SARS1: variants seen among roughly 807,000 people sequenced by gnomAD.
SARS1 encodes serine--tRNA ligase, cytoplasmic.
A neutral mutation model predicts 63.7 loss-of-function variants in SARS1; 25 were observed. The ratio of observed to expected loss-of-function variants is 0.39; its 90% CI spans 0.29 to 0.55. The LOEUF (loss-of-function observed/expected upper bound fraction) is 0.55, where lower values mean the gene tolerates loss of function less well. Ranked by LOEUF, SARS1 falls within the 20% of genes least tolerant of loss-of-function variation. The pLI is 0.62. For synonymous variants in SARS1, 231 were observed against 243.5 expected, an observed-to-expected ratio of 0.95 and a Z score of 0.48; for missense variants, 417 against 649.7, an observed-to-expected ratio of 0.64 and a Z score of 3.89.
intron 2 of SARS1, 55 bp from the exon 3 acceptor site, chr1:109,228,297 C>A: frequency 7.7e-7 from 1 of 1,294,368 alleles, no homozygotes. Context: ...CTTTATAAAA[C>A]AATGCCAGAG....
intron 2 of SARS1, among the ~76,000 whole-genome samples, chr1:109,225,012 G>A (rs888569998): frequency 6.6e-6 from 1 of 152,174 alleles, no homozygotes; most frequent in African/African-American, 2.4e-5. Context: ...GGCTGAGGTG[G>A]GAGGATCACT....
intron 6 of SARS1, among the ~76,000 whole-genome samples, chr1:109,233,331 T>C (rs1164473851): frequency 6.6e-6 from 1 of 152,114 alleles, no homozygotes; most frequent in Non-Finnish European, 1.5e-5. Flanking sequence ...TAAATAGTCA[T>C]GTGTGGCTGG....
chr1:109,215,727 A>G (rs1166481389), intron 1 of SARS1: 1 of 876,776 alleles, frequency 1.1e-6, no homozygotes, highest in Non-Finnish European at 1.4e-6. Flanking sequence ...TGTTTTTGAG[A>G]CGGAGTCTCT....
chr1:109,216,464 AATG>A, intron 1 of SARS1: 1 of 985,346 alleles, frequency 1.0e-6, no homozygotes. Context: ...AGAGTAGCGT[AATG>A]ATCCTACACT....
In SARS1 at chr1:109,237,181, G is replaced by C; in HGVS notation, c.1258-63G>C. On this transcript the variant is annotated intron_variant, in intron 9 of 10. Coordinates refer to ENST00000234677, the MANE Select transcript of SARS1 (RefSeq NM_006513.4). The surrounding 1 kb of genome is among the most constrained non-coding windows in gnomAD (Gnocchi z 4.1). ...AAGTCTGGTTGAATGGATGGTTCCT[G>C]GCCGTCAGTAAGACCCGATGAGAGT... is the stretch of plus-strand genomic sequence containing the variant. The C allele has an allele frequency of 3.2e-6, 5 of 1,563,502 alleles. No homozygotes were observed. Among genetic ancestry groups the C allele is most frequent in the Non-Finnish European group, 4.3e-6 (5 of 1,158,598 alleles).
At chr1:109,215,662 TA>T in intron 1 of SARS1, 2 of 954,890 alleles carry the variant, frequency 2.1e-6, no homozygotes, top group Non-Finnish European at 2.5e-6. Context: ...GTTATTGTTT[TA>T]AAAAACTTAA....
At position 109,236,377 on chromosome 1, in the gene SARS1, G is replaced by A. The variant is rs2101209096; in HGVS notation, c.1100-14G>A. 1 of 1,584,578 alleles carries A rather than the reference G, an allele frequency of 6.3e-7. No homozygotes were observed. The highest frequency in any genetic ancestry group is 8.6e-7 in the Non-Finnish European group (1 of 1,157,976). ...CATCCCTCCTTCATGAATTCTAGGG[G>A]TTTTTCCTTACAGGTTCTTTGAATC... On this transcript the variant is annotated splice_polypyrimidine_tract_variant and intron_variant, in intron 8 of 10. Transcript: ENST00000234677.
intron 1 of SARS1, among the ~76,000 whole-genome samples, chr1:109,219,882 CT>C (rs1654891588): frequency 6.6e-6 from 1 of 152,164 alleles, no homozygotes; most frequent in Non-Finnish European, 1.5e-5. Flanking sequence ...GTAGTTGGTT[CT>C]TTTCATTGCT....
intron 2 of SARS1, among the ~76,000 whole-genome samples, chr1:109,226,757 T>C (rs1655099759): frequency 1.4e-5 from 2 of 143,538 alleles, no homozygotes; most frequent in South Asian, 4.4e-4. Context: ...TTTATTTATT[T>C]ATTTATATTT....
Position 109,214,118 on chromosome 1 carries a change from G to C in SARS1, c.126G>C (p.Glu42Asp). ...LVDQLVKADS[E>D]WRRCRFRADN... is the part of the protein sequence containing the mutation. ...ACCAGCTGGTGAAGGCAGACAGCGA[G>C]TGGCGACGATGTAAGTACCGGGACG... The change falls in exon 1 of 11, where the codon GAG (glutamate) becomes GAC (aspartate). Residue 42 changes from glutamate (E) to aspartate (D), a missense_variant. Glu to Asp is a conservative substitution (Grantham distance 45, BLOSUM62 2). Coordinates refer to ENST00000234677, the MANE Select transcript of SARS1 (RefSeq NM_006513.4). The surrounding 1 kb of genome is among the most constrained non-coding windows in gnomAD (Gnocchi z 4.6). The C allele has an allele frequency of 6.2e-7, 1 of 1,613,808 alleles. No individual in the cohort carries two copies.
chr1:109,227,126 T>C (rs574133514), intron 2 of SARS1, among the ~76,000 whole-genome samples: 4 of 151,054 alleles, frequency 2.6e-5, no homozygotes, highest in Non-Finnish European at 4.4e-5. Flanking sequence ...TCCCGAGTAG[T>C]TGGGATTACA....
intron 3 of SARS1, 90 bp from the exon 4 acceptor site, chr1:109,229,324 G>C: frequency 7.5e-7 from 1 of 1,333,514 alleles, no homozygotes; most frequent in Middle Eastern, 1.9e-4. Flanking sequence ...GCTATCTTTA[G>C]AGCACAACAG....
intron 1 of SARS1, chr1:109,216,529 C>A (rs567358744): frequency 2.0e-6 from 2 of 984,776 alleles, no homozygotes; most frequent in African/African-American, 1.7e-5. Flanking sequence ...TTCCATGTAA[C>A]TGGAAATCTG....
chr1:109,217,120 C>A, intron 1 of SARS1: 1 of 985,366 alleles, frequency 1.0e-6, no homozygotes. Flanking sequence ...TACTTTAGAG[C>A]AGCACTGTCT....
intron 1 of SARS1, among the ~76,000 whole-genome samples, chr1:109,223,301 A>C (rs1654994183): frequency 6.6e-6 from 1 of 152,246 alleles, no homozygotes; most frequent in Non-Finnish European, 1.5e-5. Context: ...CTCTCTATAG[A>C]TTCCTGTGCA....
intron 6 of SARS1, among the ~76,000 whole-genome samples, chr1:109,234,940 T>C (rs1056639280): frequency 2.0e-5 from 3 of 152,164 alleles, no homozygotes; most frequent in Admixed American, 2.0e-4. Context: ...CACTCCAGTC[T>C]GGGCAGCAGA....
Position 109,237,494 on chromosome 1 carries a change from C to A in SARS1, c.1387+121C>A. The A allele has an allele frequency of 1.4e-6, 2 of 1,466,542 alleles. No homozygotes were observed. Among genetic ancestry groups the A allele is most frequent in the East Asian group, 2.4e-5 (1 of 42,096 alleles). 90.8% of individuals were successfully genotyped at this position (1,466,542 alleles called of 1,614,324 possible). A position where few individuals can be genotyped will look rare whatever the true frequency, so the allele number is the denominator to read the frequency against. On this transcript the variant is annotated intron_variant, in intron 10 of 10. Transcript: ENST00000234677. This position sits in a 1 kb window ranked among gnomAD's most constrained non-coding sequence, Gnocchi z 4.1. ...TCAGACACAGCCCCTGAAACTCTGT[C>A]TGCCCTCTCGGGCTGGGCAGGGCAG...
At chr1:109,225,280 C>A (rs984171774) in intron 2 of SARS1, among the ~76,000 whole-genome samples, 3 of 152,178 alleles carry the variant, frequency 2.0e-5, no homozygotes, top group African/African-American at 7.2e-5. Flanking sequence ...AACTTCATGG[C>A]AGTCGGCATC....
At chr1:109,217,526 A>G (rs687074) in intron 1 of SARS1, among the ~76,000 whole-genome samples, 75,437 of 149,210 alleles carry the variant, frequency 0.51, 19,502 homozygotes, top group African/African-American at 0.62. Context: ...CTAGTCTTGT[A>G]TACCCAAAAG....
Sources: allele counts gnomAD v4.1 joint callset (sites outside exome capture counted in the v4.1 genomes callset), GRCh38; gene constraint gnomAD v4.1.1; non-coding constraint Gnocchi (gnomAD v3.1); transcripts MANE v1.5; gene names NCBI Gene and HGNC (gene_info 2026-07-23, HGNC 2026-07-21).